Variants in HOMER1 observed in about 807,000 individuals in gnomAD.
HOMER1 encodes homer protein homolog 1.
A neutral mutation model predicts 48.9 loss-of-function variants in HOMER1; 3 were observed. That is an observed-to-expected ratio of 0.06 (90% confidence interval 0.03 to 0.16). The LOEUF (loss-of-function observed/expected upper bound fraction) is 0.16, where lower values mean the gene tolerates loss of function less well. HOMER1 is among the 10% of genes least tolerant of loss of function. The probability of loss-of-function intolerance (pLI) is 1.00; values close to 1 mark genes in which losing one functional copy is unlikely to be tolerated. For synonymous variants in HOMER1, 134 were observed against 146.4 expected, an observed-to-expected ratio of 0.92 and a Z score of 0.61; for missense variants, 247 against 411.4, an observed-to-expected ratio of 0.60 and a Z score of 3.46.
intron 5 of HOMER1, among the ~76,000 whole-genome samples, chr5:79,413,307 G>A (rs533722446): frequency 4.6e-5 from 7 of 152,112 alleles, no homozygotes; most frequent in Non-Finnish European, 1.0e-4. Flanking sequence ...AAGCCCAAGA[G>A]AAATACAAGT....
chr5:79,416,419 T>C (rs938885691), intron 5 of HOMER1, among the ~76,000 whole-genome samples: 5 of 152,218 alleles, frequency 3.3e-5, no homozygotes, highest in African/African-American at 1.2e-4. Context: ...AAACACTCTG[T>C]ACTTTAGTGC....
At chr5:79,430,763 C>A (rs1750399500) in intron 5 of HOMER1, among the ~76,000 whole-genome samples, 1 of 151,532 alleles carries the variant, frequency 6.6e-6, no homozygotes, top group Non-Finnish European at 1.5e-5. Flanking sequence ...ATGGTGAAAC[C>A]CCGTTTCTAC....
chr5:79,393,091 T>C (rs1749295853), intron 8 of HOMER1, among the ~76,000 whole-genome samples: 1 of 152,114 alleles, frequency 6.6e-6, no homozygotes, highest in Non-Finnish European at 1.5e-5. Flanking sequence ...CTTGCAACTT[T>C]TCTGTAAGAC....
chr5:79,445,039 A>T (rs530322257), intron 4 of HOMER1, among the ~76,000 whole-genome samples: 9 of 150,168 alleles, frequency 6.0e-5, no homozygotes, highest in South Asian at 2.1e-4. Flanking sequence ...TATTCTTATT[A>T]AAAAAAAAAT....
intron 5 of HOMER1, among the ~76,000 whole-genome samples, chr5:79,408,439 T>A (rs914397880): frequency 2.5e-5 from 2 of 81,538 alleles, no homozygotes; most frequent in African/African-American, 9.6e-5. Context: ...CAGAGAGAAA[T>A]GTAGATCTAC....
chr5:79,420,720 C>G (rs1440901224), intron 5 of HOMER1, among the ~76,000 whole-genome samples: 3 of 152,100 alleles, frequency 2.0e-5, no homozygotes, highest in Non-Finnish European at 2.9e-5. Context: ...GGGGACTGTT[C>G]TTAGAGTTTC....
At chr5:79,392,861 T>C (rs1268682370) in intron 8 of HOMER1, among the ~76,000 whole-genome samples, 2 of 152,112 alleles carry the variant, frequency 1.3e-5, no homozygotes, top group African/African-American at 2.4e-5. Flanking sequence ...ACTGTATTTT[T>C]ACTCTACCTT....
At chr5:79,499,608 AT>A (rs1429870238) in intron 1 of HOMER1, among the ~76,000 whole-genome samples, 1 of 152,216 alleles carries the variant, frequency 6.6e-6, no homozygotes, top group African/African-American at 2.4e-5. Context: ...ATTCTAGTCT[AT>A]TTTTTCATTT....
At chr5:79,380,579 C>A (rs1748943224) in intron 8 of HOMER1, among the ~76,000 whole-genome samples, 2 of 152,222 alleles carry the variant, frequency 1.3e-5, no homozygotes, top group African/African-American at 4.8e-5. Flanking sequence ...TTCTGAGCAG[C>A]AGAACAACAA....
chr5:79,504,792 T>C (rs751438429), intron 1 of HOMER1, among the ~76,000 whole-genome samples: 6 of 152,190 alleles, frequency 3.9e-5, no homozygotes, highest in Non-Finnish European at 8.8e-5. Flanking sequence ...AGAAAAATAA[T>C]TGGTATATCC....
chr5:79,385,668 C>G (rs1749090505), intron 8 of HOMER1, among the ~76,000 whole-genome samples: 2 of 151,892 alleles, frequency 1.3e-5, no homozygotes. Flanking sequence ...ATGGTGTAAA[C>G]CCCATCTCTA....
chr5:79,396,637 T>C (rs1265552252), intron 8 of HOMER1, among the ~76,000 whole-genome samples, 186 bp downstream of exon 8: 2 of 152,164 alleles, frequency 1.3e-5, no homozygotes, highest in East Asian at 3.9e-4. Context: ...ATGATAATTA[T>C]AAGCTACATA....
chr5:79,496,838 G>T (rs979240499), intron 1 of HOMER1, among the ~76,000 whole-genome samples: 3 of 152,018 alleles, frequency 2.0e-5, no homozygotes, highest in African/African-American at 7.3e-5. Context: ...GCCGAGGTGG[G>T]TGGATCACTT....
In HOMER1 at chr5:79,375,889, G is replaced by A. The variant is rs1040901672; in HGVS notation, c.*120C>T. On this transcript the variant is annotated 3_prime_UTR_variant, in exon 9 of 9. Transcript: ENST00000334082. Reference sequence around the variant, plus strand: ...CCAATTTCAAAAGATCCTCCTCCTGGAGGAGTGATATTCAATTTTTTTTTT... The same window carrying A: ...CCAATTTCAAAAGATCCTCCTCCTGAAGGAGTGATATTCAATTTTTTTTTT... 7.7e-6 allele frequency: 4 copies of A among 517,588 alleles called. No individual in the cohort carries two copies. Among genetic ancestry groups the A allele is most frequent in the Non-Finnish European group, 9.5e-6 (3 of 317,234 alleles). The allele number at this position is 517,588 out of a possible 1,614,324, so 32.1% of individuals were successfully genotyped here.
intron 1 of HOMER1, among the ~76,000 whole-genome samples, chr5:79,494,573 A>C (rs1752371412): frequency 1.3e-5 from 2 of 152,226 alleles, no homozygotes; most frequent in Non-Finnish European, 2.9e-5. Flanking sequence ...CTTGCAATTA[A>C]ATTTGAGTGT....
chr5:79,471,334 T>G (rs1270173889), intron 1 of HOMER1, among the ~76,000 whole-genome samples: 1 of 151,570 alleles, frequency 6.6e-6, no homozygotes, highest in Non-Finnish European at 1.5e-5. Context: ...TCACCTGAGG[T>G]CAGGAGTTCA....
chr5:79,390,066 G>T (rs1749210314), intron 8 of HOMER1, among the ~76,000 whole-genome samples: 1 of 152,102 alleles, frequency 6.6e-6, no homozygotes, highest in African/African-American at 2.4e-5. Context: ...TGGGAGGATT[G>T]CTTGGGCCCA....
At position 79,413,719 on chromosome 5, in the gene HOMER1, C is replaced by T. The variant is rs142311507; in HGVS notation, c.528-11664G>A. On this transcript the variant is annotated intron_variant, in intron 5 of 8. Coordinates refer to ENST00000334082, the MANE Select transcript of HOMER1 (RefSeq NM_004272.5). ...AAAAAAAAAAAAAACTACTTGTGTG[C>T]CTGCCGCCTTCTGGGCTAGGTGCTT... Among the ~76,000 whole-genome samples, 340 of 151,604 alleles carry T rather than the reference C, an allele frequency of 2.2e-3. 1 individual carries two copies. The highest frequency in any genetic ancestry group is 7.8e-3 in the African/African-American group (324 of 41,394).
At chr5:79,453,967 GA>G in intron 2 of HOMER1, among the ~76,000 whole-genome samples, 1 of 152,148 alleles carries the variant, frequency 6.6e-6, no homozygotes, top group East Asian at 1.9e-4. Context: ...AAAGTAATTA[GA>G]AAATGGAAAA....
Sources: gnomAD v4.1 joint callset for allele counts (sites outside exome capture counted in the v4.1 genomes callset) on GRCh38, gnomAD v4.1.1 for gene constraint, MANE v1.5 for transcripts, NCBI Gene and HGNC (gene_info 2026-07-23, HGNC 2026-07-21) for gene names.